Variants in VNN1 observed in about 807,000 individuals in gnomAD.
The protein encoded by VNN1 is pantetheinase.
A neutral mutation model predicts 41.9 loss-of-function variants in VNN1; 29 were observed. The ratio of observed to expected loss-of-function variants is 0.69; its 90% CI spans 0.52 to 0.94. The LOEUF is 0.94. VNN1 is among the 40% of genes least tolerant of loss of function. The pLI, the probability that VNN1 is intolerant of heterozygous loss-of-function variation, is 0.00. For missense variants in VNN1, 637 were observed against 621.1 expected (o/e 1.03, Z -0.27); for synonymous variants, 233 against 224.4 (o/e 1.04, Z -0.34).
chr6:132,712,136 A>G (rs1476892301), intron 1 of VNN1, among the ~76,000 whole-genome samples: 2 of 147,572 alleles, frequency 1.4e-5, no homozygotes, highest in Non-Finnish European at 3.0e-5. Context: ...CTTCTAGTCA[A>G]GCATTTTTTT....
chr6:132,693,300 C>G lies in VNN1; in HGVS notation c.550G>C (p.Gly184Arg). Residue 184 changes from glycine to arginine, a missense_variant, in exon 4 of 7, where the codon GGT becomes CGT. Transcript: ENST00000367928. ...ARYHKQNLFM[G>R]ENQFNVPKEP... ...TTGGGTACATTGAATTGATTTTCAC[C>G]CATGAAAAGGTTTTGCTGCAATAAA... is the stretch of plus-strand genomic sequence containing the variant. 6.3e-7 allele frequency: 1 copy of G among 1,598,574 alleles called. No homozygotes were observed. The highest frequency in any genetic ancestry group is 8.5e-7 in the Non-Finnish European group (1 of 1,172,724).
intron 3 of VNN1, 90 bp from the exon 4 acceptor site, chr6:132,693,405 T>C: frequency 7.9e-7 from 1 of 1,268,718 alleles, no homozygotes. Context: ...GCTCACATCT[T>C]AGTGCCAATT....
At chr6:132,706,651 C>T (rs901543429) in intron 2 of VNN1, among the ~76,000 whole-genome samples, 68 of 152,006 alleles carry the variant, frequency 4.5e-4, no homozygotes, top group African/African-American at 1.6e-3. Context: ...CAAAAATGGA[C>T]AAATGGAATC....
intron 4 of VNN1, 62 bp downstream of exon 4, chr6:132,692,962 G>A: frequency 5.1e-6 from 7 of 1,363,582 alleles, no homozygotes; most frequent in Non-Finnish European, 6.9e-6. Flanking sequence ...AGAAAAACAT[G>A]TTTTTTTTTT....
chr6:132,689,385 A>T (rs1015379134), intron 5 of VNN1, among the ~76,000 whole-genome samples: 1 of 152,018 alleles, frequency 6.6e-6, no homozygotes, highest in Admixed American at 6.6e-5. Context: ...TGGGGAAAAA[A>T]GTGCATTCAC....
At chr6:132,706,282 TGCATGGTACTG>T (rs1441436022) in intron 2 of VNN1, among the ~76,000 whole-genome samples, 1 of 152,006 alleles carries the variant, frequency 6.6e-6, no homozygotes, top group Non-Finnish European at 1.5e-5. Flanking sequence ...TAACCAAAAC[TGCATGGTACTG>T]GCATAAAAAC....
intron 2 of VNN1, among the ~76,000 whole-genome samples, chr6:132,701,877 C>A (rs936438878): frequency 6.6e-6 from 1 of 152,288 alleles, no homozygotes; most frequent in Middle Eastern, 3.4e-3. Flanking sequence ...TGGGACTTTA[C>A]ATTGGAAGTC....
chr6:132,706,068 G>T (rs1017465537), intron 2 of VNN1, among the ~76,000 whole-genome samples: 1 of 152,074 alleles, frequency 6.6e-6, no homozygotes, highest in Non-Finnish European at 1.5e-5. Flanking sequence ...AATCAATATT[G>T]TTAAAATGCC....
At chr6:132,691,400 T>A (rs990890830) in intron 5 of VNN1, among the ~76,000 whole-genome samples, 7 of 151,474 alleles carry the variant, frequency 4.6e-5, no homozygotes, top group Non-Finnish European at 8.8e-5. Context: ...GGAGGCCACT[T>A]GCGAGCAATG....
chr6:132,688,537 G>A (rs1008629649), intron 5 of VNN1, among the ~76,000 whole-genome samples: 1 of 152,038 alleles, frequency 6.6e-6, no homozygotes, highest in Non-Finnish European at 1.5e-5. Flanking sequence ...GAGGTAAAAA[G>A]GTAGGAAAAG....
chr6:132,685,487 C>A (rs2251455), intron 5 of VNN1, among the ~76,000 whole-genome samples: 57,532 of 152,010 alleles, frequency 0.38, 12,004 homozygotes, highest in African/African-American at 0.56. Context: ...TTATTTCCTA[C>A]AATCCTTCAA....
intron 2 of VNN1, among the ~76,000 whole-genome samples, chr6:132,710,718 CTGTGTAG>C (rs1778587457): frequency 6.6e-6 from 1 of 152,148 alleles, no homozygotes; most frequent in Non-Finnish European, 1.5e-5. Context: ...TTTTTTACAG[CTGTGTAG>C]TGTTCTGTGG....
intron 5 of VNN1, among the ~76,000 whole-genome samples, chr6:132,689,479 A>G (rs1778253189): frequency 6.6e-6 from 1 of 152,172 alleles, no homozygotes; most frequent in Non-Finnish European, 1.5e-5. Flanking sequence ...ATTATACTCA[A>G]AAATGCTAAT....
chr6:132,712,726 G>T lies in VNN1; in HGVS notation c.211-887C>A, dbSNP rs76075678. Among the ~76,000 whole-genome samples, 248 of 152,188 alleles carry T rather than the reference G, an allele frequency of 1.6e-3. 3 individuals carry two copies. In the East Asian group the frequency reaches 0.019, roughly 11 times the overall value. On this transcript the variant is annotated intron_variant, in intron 1 of 6. Transcript: ENST00000367928. ...TACAAGTACTGCCTGAGCTAACCTG[G>T]GCACCTTCCAATTAGAGAGTCACCT... is the stretch of plus-strand genomic sequence containing the variant.
intron 2 of VNN1, among the ~76,000 whole-genome samples, chr6:132,700,732 A>G (rs1778438963): frequency 6.6e-6 from 1 of 152,188 alleles, no homozygotes; most frequent in African/African-American, 2.4e-5. Context: ...ATCTTTTTCT[A>G]CTCGAAACTA....
rs1332790772 is a variant in VNN1, at chr6:132,693,319, C to A, written c.535-4G>T. The A allele has an allele frequency of 2.5e-6, 4 of 1,589,136 alleles. No homozygotes were observed. The highest frequency in any genetic ancestry group is 3.4e-6 in the Non-Finnish European group (4 of 1,168,964). On this transcript the variant is annotated splice_region_variant and splice_polypyrimidine_tract_variant and intron_variant, in intron 3 of 6. Coordinates refer to ENST00000367928, the MANE Select transcript of VNN1 (RefSeq NM_004666.3). Reference sequence around the variant, plus strand: ...TTTCACCCATGAAAAGGTTTTGCTGCAATAAACAGAAGATAAAGAGAAAAA... The same window carrying A: ...TTTCACCCATGAAAAGGTTTTGCTGAAATAAACAGAAGATAAAGAGAAAAA...
intron 6 of VNN1, 55 bp downstream of exon 6, chr6:132,684,280 T>C: frequency 6.5e-7 from 1 of 1,538,882 alleles, no homozygotes; most frequent in Non-Finnish European, 8.8e-7. Flanking sequence ...GATTTTTATA[T>C]CAAAAAGTGC....
At chr6:132,689,385 AG>A (rs2114338707) in intron 5 of VNN1, among the ~76,000 whole-genome samples, 1 of 152,136 alleles carries the variant, frequency 6.6e-6, no homozygotes, top group Admixed American at 6.5e-5. Context: ...TGGGGAAAAA[AG>A]TGCATTCACT....
rs1177271265 is a variant in VNN1 at position 132,680,894 on chromosome 6, GT to G, written c.*2245del. Among the ~76,000 whole-genome samples, 5 of 152,178 alleles carry G rather than the reference GT, an allele frequency of 3.3e-5. No homozygotes were observed. Among genetic ancestry groups the G allele is most frequent in the Middle Eastern group, 3.4e-3 (1 of 294 alleles). On this transcript the variant is annotated 3_prime_UTR_variant, in exon 7 of 7. Coordinates refer to ENST00000367928, the MANE Select transcript of VNN1 (RefSeq NM_004666.3). The stretch of plus-strand genomic sequence containing the variant: ...AATTTAATTATTCAATGTATAGAAA[GT>G]TTTTTAGTGTAGTGCTTTTCAGACG...
Sources: gnomAD v4.1 joint callset for allele counts (sites outside exome capture counted in the v4.1 genomes callset) on GRCh38, gnomAD v4.1.1 for gene constraint, MANE v1.5 for transcripts, NCBI Gene and HGNC (gene_info 2026-07-23, HGNC 2026-07-21) for gene names.